Variants in ASH1L observed in about 807,000 individuals in gnomAD.
ASH1L encodes the protein histone-lysine N-methyltransferase ASH1L.
A neutral mutation model predicts 269.0 loss-of-function variants in ASH1L; 23 were observed. The ratio of observed to expected loss-of-function variants is 0.09; its 90% CI spans 0.06 to 0.12. The LOEUF (loss-of-function observed/expected upper bound fraction) is 0.12, where lower values mean the gene tolerates loss of function less well. Ranked by LOEUF, ASH1L falls within the 10% of genes least tolerant of loss-of-function variation. ASH1L has a pLI of 1.00. For missense variants in ASH1L, 2,912 were observed against 3,567.8 expected (o/e 0.82, Z 4.68); for synonymous variants, 1,187 against 1,253.5 (o/e 0.95, Z 1.12).
In ASH1L at chr1:155,438,331, T is replaced by C. The variant is rs551522911; in HGVS notation, c.5824A>G (p.Lys1942Glu). The C allele has an allele frequency of 7.8e-6, 12 of 1,547,434 alleles. No homozygotes were observed. In the South Asian group the frequency reaches 1.4e-4, roughly 18 times the overall value. The part of the protein sequence containing the change: ...LPEEEEQENN[K>E]SFNEAPVEIP... ...ATATGTTAAATGAGGAATTACCTTT[T>C]ATTATTCTCTTGCTCTTCTTCCTCT... The change falls in exon 5 of 28, where the codon AAA (lysine) becomes GAA (glutamate). Residue 1942 changes from lysine to glutamate, a missense_variant. This residue lies in a region of ASH1L where 789 missense variants were observed against 897.6 expected (regional missense o/e 0.88). Coordinates refer to ENST00000392403, the MANE Select transcript of ASH1L (RefSeq NM_018489.3).
chr1:155,347,765 G>T lies in ASH1L; in HGVS notation c.7694C>A (p.Thr2565Asn). 2 of 1,614,152 alleles carry T rather than the reference G, an allele frequency of 1.2e-6. No individual in the cohort carries two copies. The highest frequency in any genetic ancestry group is 2.2e-5 in the South Asian group (2 of 91,078). Reference sequence around the variant, plus strand: ...CCCATTCTCCTTTTCAGAGACTGAGGTCTCACTGCTGTCTGCCTCACTTGC... The same window carrying T: ...CCCATTCTCCTTTTCAGAGACTGAGTTCTCACTGCTGTCTGCCTCACTTGC... ...ETASEADSSETSVSEKENGHE... is the reference protein window; with the variant it reads ...ETASEADSSENSVSEKENGHE... Residue 2565 changes from threonine to asparagine, a missense_variant, in exon 20 of 28, where the codon ACC (threonine) becomes AAC (asparagine). Physicochemically the swap from Thr to Asn is moderately conservative, Grantham distance 65. Around this residue, in one of 13 missense-constraint regions of ASH1L, gnomAD observed 309 missense variants for 435.1 expected, o/e 0.71. Coordinates refer to ENST00000392403, the MANE Select transcript of ASH1L (RefSeq NM_018489.3).
chr1:155,509,409 TAAAAGG>T (rs1668023590), intron 2 of ASH1L, among the ~76,000 whole-genome samples: 1 of 152,070 alleles, frequency 6.6e-6, no homozygotes, highest in Admixed American at 6.6e-5. Context: ...TCATTGATAC[TAAAAGG>T]AAAATCAGAC....
intron 1 of ASH1L, among the ~76,000 whole-genome samples, chr1:155,555,653 A>G (rs2148921288): frequency 6.6e-6 from 1 of 152,318 alleles, no homozygotes; most frequent in African/African-American, 2.4e-5. Flanking sequence ...AGCTATTCTG[A>G]ATAGCATAGG....
chr1:155,434,053 C>G, intron 5 of ASH1L: 1 of 1,592,022 alleles, frequency 6.3e-7, no homozygotes. Flanking sequence ...CAAGCAGCGA[C>G]TATGCATAAC....
intron 2 of ASH1L, among the ~76,000 whole-genome samples, chr1:155,502,444 T>C (rs531237766): frequency 6.6e-6 from 1 of 152,312 alleles, no homozygotes; most frequent in African/African-American, 2.4e-5. Flanking sequence ...TTTTAAGCAC[T>C]GAATTTTTGG....
At chr1:155,555,999 G>A (rs953709886) in intron 1 of ASH1L, among the ~76,000 whole-genome samples, 2 of 152,216 alleles carry the variant, frequency 1.3e-5, no homozygotes, top group African/African-American at 2.4e-5. Context: ...TGTTAACTGT[G>A]TTGATAACTG....
chr1:155,461,581 A>T (rs1363771707), intron 3 of ASH1L, among the ~76,000 whole-genome samples: 2 of 152,158 alleles, frequency 1.3e-5, no homozygotes, highest in Non-Finnish European at 1.5e-5. Flanking sequence ...TAAATAACTG[A>T]ATGTCGCAAT....
intron 2 of ASH1L, among the ~76,000 whole-genome samples, chr1:155,514,562 T>C (rs1668378768): frequency 1.3e-5 from 2 of 151,924 alleles, no homozygotes; most frequent in African/African-American, 4.8e-5. Flanking sequence ...TTTATATTTA[T>C]ATTTATTTTA....
chr1:155,553,517 G>A (rs1352712082), intron 1 of ASH1L, among the ~76,000 whole-genome samples: 1 of 152,122 alleles, frequency 6.6e-6, no homozygotes, highest in Non-Finnish European at 1.5e-5. Context: ...AAATTACAGT[G>A]CACTCATCCT....
intron 2 of ASH1L, among the ~76,000 whole-genome samples, chr1:155,504,731 G>A (rs1159876196): frequency 6.6e-6 from 1 of 151,728 alleles, no homozygotes; most frequent in Non-Finnish European, 1.5e-5. Flanking sequence ...GCACACAACT[G>A]TAATCCCAGC....
At chr1:155,473,313 C>A (rs1446227167) in intron 3 of ASH1L, among the ~76,000 whole-genome samples, 1 of 152,034 alleles carries the variant, frequency 6.6e-6, no homozygotes, top group African/African-American at 2.4e-5. Context: ...AATGTTTGTA[C>A]AAAAGAAACA....
intron 13 of ASH1L, among the ~76,000 whole-genome samples, chr1:155,359,822 G>C (rs933971499): frequency 6.6e-6 from 1 of 151,724 alleles, no homozygotes; most frequent in Non-Finnish European, 1.5e-5. Context: ...CAAGTAATCC[G>C]CTTGCCTCAG....
chr1:155,482,483 A>C, intron 2 of ASH1L, 34 bp from the exon 3 acceptor site: 1 of 1,569,298 alleles, frequency 6.4e-7, no homozygotes. Context: ...TTAAAGAGGG[A>C]GTAAACCTTA....
chr1:155,395,431 C>T, intron 7 of ASH1L, 28 bp downstream of exon 7: 2 of 1,507,978 alleles, frequency 1.3e-6, no homozygotes, highest in Non-Finnish European at 9.1e-7. Context: ...TTCTTCTCAG[C>T]AATACATTGT....
chr1:155,364,710 C>T (rs766275350), intron 12 of ASH1L, among the ~76,000 whole-genome samples: 6 of 151,838 alleles, frequency 4.0e-5, no homozygotes, highest in African/African-American at 9.7e-5. Context: ...AAGGCTGAAG[C>T]GGGCTGACTT....
intron 2 of ASH1L, among the ~76,000 whole-genome samples, chr1:155,512,035 C>T (rs1668193083): frequency 6.6e-6 from 1 of 151,890 alleles, no homozygotes; most frequent in Non-Finnish European, 1.5e-5. Context: ...TGGTCTCGAA[C>T]TCCCGACCTC....
intron 6 of ASH1L, among the ~76,000 whole-genome samples, chr1:155,413,906 A>G (rs1660003806): frequency 6.6e-6 from 1 of 152,200 alleles, no homozygotes; most frequent in South Asian, 2.1e-4. Context: ...ATGATTTATT[A>G]TTATAATTAG....
chr1:155,423,468 C>A (rs564621451), intron 5 of ASH1L, among the ~76,000 whole-genome samples: 2 of 152,064 alleles, frequency 1.3e-5, no homozygotes, highest in South Asian at 2.1e-4. Flanking sequence ...ACTCGGGAGG[C>A]TGACGTCGGG....
At chr1:155,455,761 C>T (rs1571258911) in intron 4 of ASH1L, among the ~76,000 whole-genome samples, 2 of 152,168 alleles carry the variant, frequency 1.3e-5, no homozygotes, top group East Asian at 1.9e-4. Context: ...GGGAACATTA[C>T]AAACCTATGA....
Sources: gnomAD v4.1 joint callset for allele counts (sites outside exome capture counted in the v4.1 genomes callset) on GRCh38, gnomAD v4.1.1 for gene constraint, gnomAD v4.1.1 regional missense constraint, MANE v1.5 for transcripts, NCBI Gene and HGNC (gene_info 2026-07-23, HGNC 2026-07-21) for gene names.